The following DPY19L3 variants were observed in gnomAD, a reference collection of about 807,000 sequenced individuals.
DPY19L3 encodes protein C-mannosyl-transferase DPY19L3.
DPY19L3 carries 51 observed loss-of-function variants against 92.3 expected under a neutral mutation model. The ratio of observed to expected loss-of-function variants is 0.55; its 90% CI spans 0.44 to 0.70. The LOEUF (loss-of-function observed/expected upper bound fraction) is 0.70. DPY19L3 is among the 30% of genes least tolerant of loss of function. The pLI is 0.00. For synonymous variants in DPY19L3, 309 were observed against 315.2 expected (o/e 0.98, Z 0.21); for missense variants, 706 against 855.9 (o/e 0.82, Z 2.18).
intron 16 of DPY19L3, among the ~76,000 whole-genome samples, chr19:32,476,564 A>G (rs1970518064): frequency 6.6e-6 from 1 of 151,496 alleles, no homozygotes; most frequent in Non-Finnish European, 1.5e-5. Context: ...AAGGAATTAA[A>G]TCAGCTACTA....
chr19:32,426,544 G>A (rs768804887), intron 3 of DPY19L3, among the ~76,000 whole-genome samples: 1 of 152,178 alleles, frequency 6.6e-6, no homozygotes, highest in African/African-American at 2.4e-5. Context: ...GACGCTTAGA[G>A]GCTATTGTAA....
chr19:32,417,064 C>T (rs1266837340), intron 3 of DPY19L3, among the ~76,000 whole-genome samples: 1 of 152,230 alleles, frequency 6.6e-6, no homozygotes, highest in South Asian at 2.1e-4. Context: ...CAAAGACACT[C>T]TCATCACTTA....
chr19:32,415,393 A>G (rs913499747), intron 3 of DPY19L3, among the ~76,000 whole-genome samples: 2 of 152,194 alleles, frequency 1.3e-5, no homozygotes, highest in African/African-American at 2.4e-5. Flanking sequence ...AGGAAATTCA[A>G]GACGCAAGAG....
At chr19:32,407,264 T>TCCCCCCCCCCCCCCCTCCCCC (rs148363125) in intron 1 of DPY19L3, among the ~76,000 whole-genome samples, 3 of 81,316 alleles carry the variant, frequency 3.7e-5, no homozygotes, top group Non-Finnish European at 4.9e-5. Context: ...AGGCTCCTGC[T>TCCCCCCCCCCCCCCCTCCCCC]CCCCCCCACC....
chr19:32,481,065 A>G, intron 18 of DPY19L3: 1 of 312,920 alleles, frequency 3.2e-6, no homozygotes, highest in Non-Finnish European at 5.8e-6. Flanking sequence ...GCTAAGTTGC[A>G]CTCCAGAGCA....
At chr19:32,466,201 A>G (rs1434729177) in intron 15 of DPY19L3, among the ~76,000 whole-genome samples, 2 of 152,194 alleles carry the variant, frequency 1.3e-5, no homozygotes, top group Non-Finnish European at 2.9e-5. Context: ...GACATTGTAT[A>G]AGAAGTAAAC....
At chr19:32,431,046 T>G (rs890087846) in intron 3 of DPY19L3, among the ~76,000 whole-genome samples, 6 of 152,196 alleles carry the variant, frequency 3.9e-5, no homozygotes, top group African/African-American at 1.4e-4. Context: ...TATTTATCAC[T>G]TTCCCCCATT....
At position 32,464,782 on chromosome 19, in the gene DPY19L3, A is replaced by G. The variant is rs200027601; in HGVS notation, c.1612A>G (p.Lys538Glu). 3.4e-4 allele frequency: 522 copies of G among 1,517,876 alleles called. No individual in the cohort carries two copies. Among genetic ancestry groups the G allele is most frequent in the Non-Finnish European group, 4.2e-4 (473 of 1,117,834 alleles). The allele number at this position is 1,517,876 out of a possible 1,614,324, so 94.0% of individuals were successfully genotyped here. ...ATTAATACTGCTGTATCTATGCTAT[A>G]AGGTAAGACTGATTTTCCTCATTCT... ...PILILLYLCY[K>E]FWPGMMDELS... The change falls in exon 15 of 19, where the codon AAG (lysine) becomes GAG (glutamate). Residue 538 changes from lysine to glutamate, a missense_variant and splice_region_variant. Physicochemically the swap from Lys to Glu is moderately conservative, Grantham distance 56 (BLOSUM62 1). Coordinates refer to ENST00000392250, the MANE Select transcript of DPY19L3 (RefSeq NM_001172774.2).
At chr19:32,457,908 G>A (rs1421717294) in intron 10 of DPY19L3, among the ~76,000 whole-genome samples, 192 bp from the exon 11 acceptor site, 1 of 152,174 alleles carries the variant, frequency 6.6e-6, no homozygotes, top group Non-Finnish European at 1.5e-5. Context: ...AGGGGAGTGG[G>A]GTTTGGAAGG....
rs372918890 is a variant in DPY19L3, at chr19:32,480,489, A to G, written c.1921A>G (p.Ile641Val). 3 of 1,614,084 alleles carry G rather than the reference A, an allele frequency of 1.9e-6. No homozygotes were observed. In the African/African-American group the frequency reaches 4.0e-5, roughly 22 times the overall value. Residue 641 changes from isoleucine to valine, a missense_variant, in exon 18 of 19, where the codon ATC (isoleucine) becomes GTC (valine). Transcript: ENST00000392250. The part of the protein sequence containing the change: ...GTDYVILEDS[I>V]CYERRHRRGC... Reference sequence around the variant, plus strand: ...TGACTACGTAATCCTGGAAGACAGCATCTGCTACGAGCGGAGGCACCGCCG... The same window carrying G: ...TGACTACGTAATCCTGGAAGACAGCGTCTGCTACGAGCGGAGGCACCGCCG...
intron 16 of DPY19L3, among the ~76,000 whole-genome samples, chr19:32,470,858 G>T (rs1229885942): frequency 1.8e-5 from 2 of 110,776 alleles, no homozygotes. Flanking sequence ...GTTCTATTGT[G>T]ATCTAGTCTC....
chr19:32,468,929 T>G (rs1428889873), intron 16 of DPY19L3, 116 bp downstream of exon 16: 3 of 968,144 alleles, frequency 3.1e-6, no homozygotes, highest in South Asian at 4.6e-5. Flanking sequence ...GAAGAAACAT[T>G]CGTCCTTACT....
chr19:32,456,753 A>T (rs1156925429), intron 10 of DPY19L3, among the ~76,000 whole-genome samples: 2 of 152,254 alleles, frequency 1.3e-5, no homozygotes, highest in East Asian at 3.9e-4. Flanking sequence ...TTTTGAGTTG[A>T]TGAATACCCC....
chr19:32,439,298 A>C, intron 7 of DPY19L3, 63 bp downstream of exon 7: 1 of 1,538,396 alleles, frequency 6.5e-7, no homozygotes, highest in Non-Finnish European at 8.9e-7. Flanking sequence ...GCTTCAAAAA[A>C]TGTGATGTGC....
chr19:32,444,247 A>G (rs1258241895), intron 8 of DPY19L3, among the ~76,000 whole-genome samples: 1 of 152,202 alleles, frequency 6.6e-6, no homozygotes, highest in East Asian at 1.9e-4. Context: ...TAAGCAAAGA[A>G]GTAGAAGATA....
intron 4 of DPY19L3, among the ~76,000 whole-genome samples, chr19:32,433,231 TC>T (rs1969026532): frequency 3.3e-5 from 5 of 152,188 alleles, no homozygotes; most frequent in Admixed American, 3.3e-4. Flanking sequence ...CATTTTTACT[TC>T]CCCTAAGTGG....
At chr19:32,411,431 A>G (rs143188214) in intron 3 of DPY19L3, 59 bp downstream of exon 3, 3 of 1,578,722 alleles carry the variant, frequency 1.9e-6, no homozygotes, top group Non-Finnish European at 2.6e-6. Context: ...GTAGTAAGCC[A>G]TGTGGATGAA....
intron 8 of DPY19L3, among the ~76,000 whole-genome samples, chr19:32,447,824 A>AG (rs761726969): frequency 1.0e-4 from 11 of 104,806 alleles, no homozygotes; most frequent in Admixed American, 3.5e-4. Context: ...GATTAGATAG[A>AG]TAGATAGATA....
intron 3 of DPY19L3, among the ~76,000 whole-genome samples, chr19:32,416,219 T>C (rs1000800588): frequency 6.6e-6 from 1 of 152,190 alleles, no homozygotes; most frequent in Non-Finnish European, 1.5e-5. Context: ...AAGGATGTCT[T>C]GATTCATTGT....
Sources: gnomAD v4.1 joint callset for allele counts (sites outside exome capture counted in the v4.1 genomes callset) on GRCh38, gnomAD v4.1.1 for gene constraint, MANE v1.5 for transcripts, NCBI Gene and HGNC (gene_info 2026-07-23, HGNC 2026-07-21) for gene names.